Variants in FSIP2 observed in about 807,000 individuals in gnomAD.
FSIP2 encodes the protein fibrous sheath interacting protein 2.
Under a neutral mutation model 510.5 loss-of-function variants are expected in FSIP2, and 367 were observed. The ratio of observed to expected loss-of-function variants is 0.72; its 90% CI spans 0.66 to 0.78. FSIP2 has a LOEUF of 0.78. FSIP2 is among the 30% of genes least tolerant of loss of function. The pLI is 0.00. For synonymous variants in FSIP2, 2,601 were observed against 2,732.2 expected, an observed-to-expected ratio of 0.95 and a Z score of 1.50; for missense variants, 7,594 against 7,901.7, an observed-to-expected ratio of 0.96 and a Z score of 1.48.
At chr2:185,819,148 T>C (rs770719057) in intron 19 of FSIP2, among the ~76,000 whole-genome samples, 4 of 151,850 alleles carry the variant, frequency 2.6e-5, no homozygotes, top group Non-Finnish European at 5.9e-5. Context: ...AGTTAAAAAT[T>C]AGAGTCACAT....
chr2:185,794,244 G>A lies in FSIP2; in HGVS notation c.7108G>A (p.Glu2370Lys). ...LKLIKNDLDL[E>K]IQKIYPYQNN... ...GCTTATTAAAAATGACTTAGACTTA[G>A]AAATTCAAAAGATATATCCATATCA... Residue 2370 changes from glutamate to lysine, a missense_variant, in exon 16 of 23, where the codon GAA (glutamate) becomes AAA (lysine). Glu to Lys is a moderately conservative substitution (Grantham distance 56). Transcript: ENST00000424728. 6.5e-7 allele frequency: 1 copy of A among 1,533,880 alleles called. No homozygotes were observed. Among genetic ancestry groups the A allele is most frequent in the South Asian group, 1.2e-5 (1 of 83,900 alleles).
Position 185,828,209 on chromosome 2 carries a change from T to C in FSIP2, c.20517+10T>C. On this transcript the variant is annotated intron_variant, in intron 21 of 22. Coordinates refer to ENST00000424728, the MANE Select transcript of FSIP2 (RefSeq NM_173651.4). ...TGGAAACAGTGTTAAGGTAAGTATT[T>C]TTAACTAGCCTTAGTTGATATATAT... The C allele has an allele frequency of 1.3e-6, 2 of 1,500,082 alleles. No homozygotes were observed. Among genetic ancestry groups the C allele is most frequent in the South Asian group, 2.3e-5 (2 of 88,200 alleles). 92.9% of individuals were successfully genotyped at this position (1,500,082 alleles called of 1,614,324 possible).
In FSIP2 at chr2:185,738,920, C is replaced by T; in HGVS notation, c.26C>T (p.Ser9Phe). 1 of 1,534,900 alleles carries T rather than the reference C, an allele frequency of 6.5e-7. No homozygotes were observed. The highest frequency in any genetic ancestry group is 8.7e-7 in the Non-Finnish European group (1 of 1,146,706). MELYLGAC[S>F]KPAKVAVTKT... ...ATGGAGCTGTACCTCGGCGCCTGCTCCAAGCCTGCCAAAGTCGCCGTCACC... is the reference window on the plus strand; with the variant it reads ...ATGGAGCTGTACCTCGGCGCCTGCTTCAAGCCTGCCAAAGTCGCCGTCACC... The change falls in exon 1 of 23, where the codon TCC becomes TTC. Residue 9 changes from serine (S) to phenylalanine (F), a missense_variant. Ser to Phe is a radical substitution (Grantham distance 155). Coordinates refer to ENST00000424728, the MANE Select transcript of FSIP2 (RefSeq NM_173651.4).
rs1243851779 is a variant in FSIP2, at chr2:185,744,336, G to T, written c.402G>T (p.Leu134Phe). Reference sequence around the variant, plus strand: ...TTTGTTTGTAGGTTGTATGTACCTTGAGAGAATTGAATAAGTACAGGCAAT... The same window carrying T: ...TTTGTTTGTAGGTTGTATGTACCTTTAGAGAATTGAATAAGTACAGGCAAT... ...ITSNNKVVCT[L>F]RELNKYRQYL... is the part of the protein sequence containing the mutation. The change falls in exon 4 of 23, where the codon TTG (leucine) becomes TTT (phenylalanine). Residue 134 changes from leucine to phenylalanine, a missense_variant. Coordinates refer to ENST00000424728, the MANE Select transcript of FSIP2 (RefSeq NM_173651.4). 25 of 1,189,880 alleles carry T rather than the reference G, an allele frequency of 2.1e-5. No individual in the cohort carries two copies. The highest frequency in any genetic ancestry group is 3.6e-5 in the Admixed American group (1 of 27,614). 73.7% of individuals were successfully genotyped at this position (1,189,880 alleles called of 1,614,324 possible). A position where few individuals can be genotyped will look rare whatever the true frequency, so the allele number is the denominator to read the frequency against.
At position 185,804,729 on chromosome 2, in the gene FSIP2, G is replaced by GA; in HGVS notation, c.15428dup (p.Phe5144ValfsTer5). 3 of 1,530,166 alleles carry GA rather than the reference G, an allele frequency of 2.0e-6. No homozygotes were observed. Among genetic ancestry groups the GA allele is most frequent in the Non-Finnish European group, 2.6e-6 (3 of 1,144,262 alleles). The allele number at this position is 1,530,166 out of a possible 1,614,324, so 94.8% of individuals were successfully genotyped here. On this transcript the variant is annotated frameshift_variant, in exon 17 of 23. Coordinates refer to ENST00000424728, the MANE Select transcript of FSIP2 (RefSeq NM_173651.4). LOFTEE classifies it high-confidence loss of function. Reference sequence around the variant, plus strand: ...CTCACACTGAAAATGAACTAAAAGAGAAAAAGTTTCCACCGGATGATGAAT... The same window carrying GA: ...CTCACACTGAAAATGAACTAAAAGAGAAAAAAGTTTCCACCGGATGATGAAT...
intron 7 of FSIP2, among the ~76,000 whole-genome samples, chr2:185,752,230 T>A (rs1692163394): frequency 6.6e-6 from 1 of 151,248 alleles, no homozygotes; most frequent in Non-Finnish European, 1.5e-5. Flanking sequence ...TTTTTTTTCT[T>A]TATTTTAGTA....
chr2:185,829,009 C>G (rs1694064162), intron 21 of FSIP2, among the ~76,000 whole-genome samples: 1 of 151,850 alleles, frequency 6.6e-6, no homozygotes, highest in Admixed American at 6.6e-5. Context: ...CCCACTCAAC[C>G]TAATCCTCAT....
At chr2:185,784,480 C>A in intron 14 of FSIP2, among the ~76,000 whole-genome samples, 1 of 152,112 alleles carries the variant, frequency 6.6e-6, no homozygotes, top group Middle Eastern at 3.4e-3. Flanking sequence ...AGAACCAGCT[C>A]CCAAAAGCTA....
At chr2:185,738,365 A>G (rs2105519819), upstream of FSIP2, 1 of 496,090 alleles carries the variant, frequency 2.0e-6, no homozygotes. Context: ...AGGGGACAGA[A>G]GAGGCAGGAG....
Position 185,804,902 on chromosome 2 carries a change from T to G in FSIP2, c.15596T>G (p.Leu5199Trp). 2 of 1,523,914 alleles carry G rather than the reference T, an allele frequency of 1.3e-6. No homozygotes were observed. The highest frequency in any genetic ancestry group is 1.8e-6 in the Non-Finnish European group (2 of 1,142,198). The allele number at this position is 1,523,914 out of a possible 1,614,324, so 94.4% of individuals were successfully genotyped here. ...GTCGACTCCATATGTAATAATATTT[T>G]GAAAACATCTGAATTCCAAGCTGAA... is the stretch of plus-strand genomic sequence containing the variant. The part of the protein sequence containing the change: ...NLVDSICNNI[L>W]KTSEFQAEVQ... The change falls in exon 17 of 23, where the codon TTG (leucine) becomes TGG (tryptophan). Residue 5199 changes from leucine to tryptophan, a missense_variant. Transcript: ENST00000424728.
At position 185,805,423 on chromosome 2, in the gene FSIP2, G is replaced by A; in HGVS notation, c.16117G>A (p.Glu5373Lys). The A allele has an allele frequency of 6.2e-7, 1 of 1,604,678 alleles. No homozygotes were observed. Among genetic ancestry groups the A allele is most frequent in the East Asian group, 2.2e-5 (1 of 44,748 alleles). ...CTSHDIQKGD[E>K]SNIAIGMIAA... ...ATCTCATGATATTCAAAAAGGTGAT[G>A]AAAGTAACATTGCTATAGGGATGAT... Residue 5373 changes from glutamate (E) to lysine (K), a missense_variant, in exon 17 of 23, where the codon GAA becomes AAA. Glu to Lys is a moderately conservative substitution (Grantham distance 56). Coordinates refer to ENST00000424728, the MANE Select transcript of FSIP2 (RefSeq NM_173651.4).
At chr2:185,775,278 CTG>C (rs1403325408) in intron 13 of FSIP2, among the ~76,000 whole-genome samples, 6 of 150,256 alleles carry the variant, frequency 4.0e-5, no homozygotes, top group African/African-American at 1.5e-4. Context: ...GCCATTCTAA[CTG>C]GGGTGAGATG....
At position 185,807,227 on chromosome 2, in the gene FSIP2, C is replaced by T. The variant is rs1420934089; in HGVS notation, c.17921C>T (p.Ala5974Val). ...TTTTGTGATGAGGTTTCAGTTTCAG[C>T]ATGTTTGCCTCTGGAATCTAAGGAT... ...LIFCDEVSVS[A>V]CLPLESKDVV... Residue 5974 changes from alanine (A) to valine (V), a missense_variant, in exon 17 of 23, where the codon GCA becomes GTA. Ala to Val is a moderately conservative substitution (Grantham distance 64, BLOSUM62 0). Coordinates refer to ENST00000424728, the MANE Select transcript of FSIP2 (RefSeq NM_173651.4). 6.2e-7 allele frequency: 1 copy of T among 1,605,148 alleles called. No individual in the cohort carries two copies. Among genetic ancestry groups the T allele is most frequent in the Non-Finnish European group, 8.5e-7 (1 of 1,177,330 alleles).
intron 17 of FSIP2, among the ~76,000 whole-genome samples, chr2:185,809,493 G>A (rs140137096): frequency 5.5e-4 from 83 of 152,044 alleles, no homozygotes; most frequent in African/African-American, 1.8e-3. Context: ...TCCTTAGTTC[G>A]TTATGGATAT....
Position 185,801,707 on chromosome 2 carries a change from A to T in FSIP2, c.12401A>T (p.Tyr4134Phe), listed in dbSNP as rs1693439322. The T allele has an allele frequency of 6.5e-7, 1 of 1,529,682 alleles. No homozygotes were observed. Among genetic ancestry groups the T allele is most frequent in the South Asian group, 1.2e-5 (1 of 82,876 alleles). The allele number at this position is 1,529,682 out of a possible 1,614,324, so 94.8% of individuals were successfully genotyped here. The change falls in exon 17 of 23, where the codon TAT (tyrosine) becomes TTT (phenylalanine). Residue 4134 changes from tyrosine to phenylalanine, a missense_variant. Coordinates refer to ENST00000424728, the MANE Select transcript of FSIP2 (RefSeq NM_173651.4). ...FTSLPRSSSD[Y>F]STMLSHSFLE... ...TCTCTACCCAGGTCTTCATCAGACT[A>T]TAGTACCATGTTATCACATTCATTT... is the stretch of plus-strand genomic sequence containing the variant.
Position 185,800,982 on chromosome 2 carries a change from A to C in FSIP2, c.11676A>C (p.Leu3892Phe), listed in dbSNP as rs1693420888. The C allele has an allele frequency of 6.5e-7, 1 of 1,529,856 alleles. No homozygotes were observed. Among genetic ancestry groups the C allele is most frequent in the Non-Finnish European group, 8.7e-7 (1 of 1,143,158 alleles). 94.8% of individuals were successfully genotyped at this position (1,529,856 alleles called of 1,614,324 possible). A position where few individuals can be genotyped will look rare whatever the true frequency, so the allele number is the denominator to read the frequency against. ...TCATAAAAGCAAGAAAGTCAGAATT[A>C]ATAGAATTAGGACAGAGTAAAAGTT... ...SSFIKARKSE[L>F]IELGQSKSSL... Residue 3892 changes from leucine (L) to phenylalanine (F), a missense_variant, in exon 17 of 23, where the codon TTA (leucine) becomes TTC (phenylalanine). Leu to Phe is a conservative substitution (Grantham distance 22). Coordinates refer to ENST00000424728, the MANE Select transcript of FSIP2 (RefSeq NM_173651.4).
At position 185,797,154 on chromosome 2, in the gene FSIP2, A is replaced by C; in HGVS notation, c.10018A>C (p.Ser3340Arg). The C allele has an allele frequency of 6.5e-7, 1 of 1,534,974 alleles. No homozygotes were observed. The highest frequency in any genetic ancestry group is 8.7e-7 in the Non-Finnish European group (1 of 1,146,218). ...AENIVNTVLSSCGFPSQPHTN... is the reference protein window; with the variant it reads ...AENIVNTVLSRCGFPSQPHTN... ...AAATATTGTCAATACTGTGCTATCC[A>C]GCTGTGGCTTTCCAAGTCAACCACA... Residue 3340 changes from serine (S) to arginine (R), a missense_variant, in exon 16 of 23, where the codon AGC becomes CGC. Ser to Arg is a moderately radical substitution (Grantham distance 110). Transcript: ENST00000424728.
chr2:185,797,483 C>T lies in FSIP2; in HGVS notation c.10347C>T (p.Val3449=). Residue 3449 remains valine (V), a synonymous_variant, in exon 16 of 23, where the codon GTC becomes GTT. Coordinates refer to ENST00000424728, the MANE Select transcript of FSIP2 (RefSeq NM_173651.4). The part of the protein sequence containing the change: ...SNEVHLIARH[V]TTSVVTYLKN... Reference sequence around the variant, plus strand: ...AAGTTCATCTGATAGCAAGACATGTCACCACATCTGTGGTCACATATTTGA... The same window carrying T: ...AAGTTCATCTGATAGCAAGACATGTTACCACATCTGTGGTCACATATTTGA... 6.6e-7 allele frequency: 1 copy of T among 1,515,728 alleles called. No individual in the cohort carries two copies. Among genetic ancestry groups the T allele is most frequent in the Non-Finnish European group, 8.8e-7 (1 of 1,140,348 alleles). 93.9% of individuals were successfully genotyped at this position (1,515,728 alleles called of 1,614,324 possible).
chr2:185,785,829 G>A (rs1574177559), intron 14 of FSIP2, among the ~76,000 whole-genome samples: 1 of 151,922 alleles, frequency 6.6e-6, no homozygotes, highest in African/African-American at 2.4e-5. Flanking sequence ...TATGGCATTT[G>A]AACGAGTAAA....
Sources: gnomAD v4.1 joint callset for allele counts (sites outside exome capture counted in the v4.1 genomes callset) on GRCh38, gnomAD v4.1.1 for gene constraint, MANE v1.5 for transcripts, NCBI Gene and HGNC (gene_info 2026-07-23, HGNC 2026-07-21) for gene names.